Variants in ZYG11A observed in about 807,000 individuals in gnomAD.
The protein encoded by ZYG11A is protein zyg-11 homolog A.
A neutral mutation model predicts 77.2 loss-of-function variants in ZYG11A; 62 were observed. That is an observed-to-expected ratio of 0.80 (90% CI 0.65 to 0.99). The LOEUF is 0.99. ZYG11A is among the 50% of genes least tolerant of loss of function. ZYG11A has a pLI of 0.00. For synonymous variants in ZYG11A, 315 were observed against 324.6 expected (o/e 0.97, Z 0.32); for missense variants, 828 against 896.8 (o/e 0.92, Z 0.98).
At chr1:52,861,005 A>G (rs1645917634) in intron 4 of ZYG11A, 134 bp downstream of exon 4, 2 of 863,258 alleles carry the variant, frequency 2.3e-6, no homozygotes, top group Non-Finnish European at 3.5e-6. Context: ...AGAGCAAAGA[A>G]TGTTAAGCTT....
At chr1:52,847,851 TA>T (rs1405571678) in intron 1 of ZYG11A, among the ~76,000 whole-genome samples, 41 of 90,904 alleles carry the variant, frequency 4.5e-4, no homozygotes, top group African/African-American at 1.3e-3. Flanking sequence ...TTTATTTATT[TA>T]TTTATTTATT....
chr1:52,858,158 AG>A (rs2149996253), intron 3 of ZYG11A, among the ~76,000 whole-genome samples: 1 of 149,812 alleles, frequency 6.7e-6, no homozygotes, highest in East Asian at 2.2e-4. Context: ...GCACTTTGGG[AG>A]GCCAAGGCGG....
At chr1:52,848,024 C>T (rs952144997) in intron 1 of ZYG11A, among the ~76,000 whole-genome samples, 1 of 152,158 alleles carries the variant, frequency 6.6e-6, no homozygotes, top group Non-Finnish European at 1.5e-5. Context: ...CGCCTGCCAT[C>T]ATGCCTGGCT....
chr1:52,870,890 G>A (rs1191093276), intron 8 of ZYG11A, among the ~76,000 whole-genome samples: 2 of 143,962 alleles, frequency 1.4e-5, no homozygotes, highest in South Asian at 2.3e-4. Flanking sequence ...GGGGGAGGGG[G>A]AGAGGGAGAG....
chr1:52,851,218 G>A (rs895509265), intron 1 of ZYG11A, among the ~76,000 whole-genome samples: 8 of 151,260 alleles, frequency 5.3e-5, no homozygotes, highest in South Asian at 2.1e-4. Flanking sequence ...TAATTTTTTC[G>A]TATTTTTTGT....
Position 52,885,909 on chromosome 1 carries a change from T to G in ZYG11A, c.2006+15T>G, listed in dbSNP as rs1054001142. 2.5e-5 allele frequency: 38 copies of G among 1,514,398 alleles called. No individual in the cohort carries two copies. Among genetic ancestry groups the G allele is most frequent in the Middle Eastern group, 1.7e-4 (1 of 5,830 alleles). The allele number at this position is 1,514,398 out of a possible 1,614,324, so 93.8% of individuals were successfully genotyped here. A position where few individuals can be genotyped will look rare whatever the true frequency, so the allele number is the denominator to read the frequency against. ...GTGACCTATAGGTAATTTCATGGTG[T>G]TGTGCTTTTCTTCTTTTTTTTTTCT... On this transcript the variant is annotated intron_variant, in intron 12 of 13. Coordinates refer to ENST00000371528, the MANE Select transcript of ZYG11A (RefSeq NM_001004339.3).
intron 8 of ZYG11A, among the ~76,000 whole-genome samples, chr1:52,875,044 G>C (rs1324788295): frequency 6.6e-6 from 1 of 152,134 alleles, no homozygotes; most frequent in Admixed American, 6.5e-5. Context: ...AAAAAAAATA[G>C]GATGAACCAG....
At chr1:52,880,594 C>T (rs965761251) in intron 10 of ZYG11A, among the ~76,000 whole-genome samples, 1 of 152,126 alleles carries the variant, frequency 6.6e-6, no homozygotes, top group Non-Finnish European at 1.5e-5. Context: ...ATCTGTCTTG[C>T]TAGCAGGCCC....
chr1:52,852,368 AT>A (rs35540943), intron 1 of ZYG11A, among the ~76,000 whole-genome samples: 55,504 of 134,092 alleles, frequency 0.41, 11,412 homozygotes, highest in Non-Finnish European at 0.5. Context: ...TTTAGAGCAA[AT>A]TTTTTTTTTT....
At chr1:52,884,406 G>A (rs2150020327) in intron 11 of ZYG11A, among the ~76,000 whole-genome samples, 1 of 151,614 alleles carries the variant, frequency 6.6e-6, no homozygotes, top group South Asian at 2.1e-4. Context: ...TGAGGCAGGA[G>A]AATGACGTGA....
intron 4 of ZYG11A, 72 bp from the exon 5 acceptor site, chr1:52,863,909 A>G (rs1341698529): frequency 1.9e-5 from 26 of 1,383,778 alleles, no homozygotes; most frequent in South Asian, 1.5e-4. Flanking sequence ...ATTTGTGCCA[A>G]TCAAAACATG....
At chr1:52,849,293 C>T (rs1053836745) in intron 1 of ZYG11A, among the ~76,000 whole-genome samples, 4 of 152,080 alleles carry the variant, frequency 2.6e-5, no homozygotes, top group African/African-American at 7.2e-5. Flanking sequence ...TGGTCTCAAT[C>T]TCCTGACCTT....
rs907867821 is a variant in ZYG11A at position 52,867,862 on chromosome 1, A to T, written c.1542+85A>T. ...CTTAAAAAAAAAATCAAATCATTCC[A>T]AAAGGCCTATTAAGGTGAGAAATCT... On this transcript the variant is annotated intron_variant, in intron 8 of 13. Coordinates refer to ENST00000371528, the MANE Select transcript of ZYG11A (RefSeq NM_001004339.3). 6 of 1,169,216 alleles carry T rather than the reference A, an allele frequency of 5.1e-6. No homozygotes were observed. The African/African-American group carries it at 9.3e-5, about 18-fold the overall frequency. 72.4% of individuals were successfully genotyped at this position (1,169,216 alleles called of 1,614,324 possible). A position where few individuals can be genotyped will look rare whatever the true frequency, so the allele number is the denominator to read the frequency against.
rs1470793281 is a variant in ZYG11A, at chr1:52,867,559, T to A, written c.1412T>A (p.Val471Asp). The change falls in exon 7 of 14, where the codon GTC becomes GAC. Residue 471 changes from valine to aspartate, a missense_variant. Val to Asp is a radical substitution (Grantham distance 152, BLOSUM62 -3). Coordinates refer to ENST00000371528, the MANE Select transcript of ZYG11A (RefSeq NM_001004339.3). The stretch of plus-strand genomic sequence containing the variant: ...TTCAGGTTTGATGCTGCCAAGTTTG[T>A]CATGAGATGGCTCTGTAAGCATGAA... ...PFDRFDAAKF[V>D]MRWLCKHENP... The A allele has an allele frequency of 1.3e-6, 2 of 1,552,122 alleles. No homozygotes were observed. Among genetic ancestry groups the A allele is most frequent in the Non-Finnish European group, 1.7e-6 (2 of 1,146,910 alleles).
At position 52,893,658 on chromosome 1, in the gene ZYG11A, T is replaced by G. The variant is rs941360299; in HGVS notation, c.*701T>G. On this transcript the variant is annotated 3_prime_UTR_variant, in exon 14 of 14. Transcript: ENST00000371528. ...GTGTGCACCTTTACTCCTAGCTACTTGGAGGCTGAGGTGGGAGGACCACTT... is the reference window on the plus strand; with the variant it reads ...GTGTGCACCTTTACTCCTAGCTACTGGGAGGCTGAGGTGGGAGGACCACTT... 12 of 151,918 alleles carry G rather than the reference T, an allele frequency of 7.9e-5. No individual in the cohort carries two copies. The highest frequency in any genetic ancestry group is 2.1e-4 in the South Asian group (1 of 4,806). 9.4% of individuals were successfully genotyped at this position (151,918 alleles called of 1,614,324 possible).
At chr1:52,844,650 C>T (rs1376560845) in intron 1 of ZYG11A, among the ~76,000 whole-genome samples, 1 of 151,518 alleles carries the variant, frequency 6.6e-6, no homozygotes, top group African/African-American at 2.4e-5. Flanking sequence ...ATATAAAAGT[C>T]TTTTCACATT....
chr1:52,882,567 C>G (rs999289461), intron 11 of ZYG11A, among the ~76,000 whole-genome samples: 17 of 152,258 alleles, frequency 1.1e-4, no homozygotes, highest in African/African-American at 3.6e-4. Flanking sequence ...CAGTAGCTTC[C>G]TAAGAAAAGA....
chr1:52,862,744 G>A (rs1268554861), intron 4 of ZYG11A, among the ~76,000 whole-genome samples: 1 of 152,078 alleles, frequency 6.6e-6, no homozygotes, highest in Non-Finnish European at 1.5e-5. Flanking sequence ...CCATCTGTAA[G>A]GAAGAGATTG....
Position 52,881,525 on chromosome 1 carries a change from C to T in ZYG11A, c.1804C>T (p.Leu602=). 3 of 1,551,782 alleles carry T rather than the reference C, an allele frequency of 1.9e-6. No homozygotes were observed. The highest frequency in any genetic ancestry group is 2.7e-5 in the African/African-American group (2 of 73,128). ...TTCCAAGCTGGTGACCGAAGATGTG[C>T]TGAAGCATATCAACAGTTTACTCTG... ...LSSKLVTEDV[L]KHINSLLCSR... is the part of the protein sequence containing the mutation. The change falls in exon 11 of 14, where the codon CTG becomes TTG. Residue 602 remains leucine (L), a synonymous_variant. Coordinates refer to ENST00000371528, the MANE Select transcript of ZYG11A (RefSeq NM_001004339.3).
Sources: allele counts gnomAD v4.1 joint callset (sites outside exome capture counted in the v4.1 genomes callset), GRCh38; gene constraint gnomAD v4.1.1; transcripts MANE v1.5; gene names NCBI Gene and HGNC (gene_info 2026-07-23, HGNC 2026-07-21).